The following B4GALT6 variants were observed in gnomAD, a reference collection of about 807,000 sequenced individuals.
B4GALT6 encodes the protein UDP-Gal:beta-GlcNAc beta-1,4-galactosyltransferase 6.
Under a neutral mutation model 46.3 loss-of-function variants are expected in B4GALT6, and 14 were observed. The observed-to-expected ratio is 0.30, with a 90% CI of 0.20 to 0.47. The LOEUF is 0.47. Among genes scored for constraint, B4GALT6 ranks in the 20% least tolerant of loss-of-function variants. The probability of loss-of-function intolerance (pLI) is 0.99; values close to 1 mark genes in which losing one functional copy is unlikely to be tolerated. For missense variants in B4GALT6, 386 were observed against 480.1 expected, an observed-to-expected ratio of 0.80 and a Z score of 1.83; for synonymous variants, 168 against 162.0, an observed-to-expected ratio of 1.04 and a Z score of -0.28.
At chr18:31,693,291 A>T in the B4GALT6 span, among the ~76,000 whole-genome samples, 2 of 152,290 alleles carry the variant, frequency 1.3e-5, no homozygotes, top group Admixed American at 1.3e-4. Context: ...TTGCTTGTGT[A>T]CACCAGTACA....
At chr18:31,627,846 G>A (rs1354014550) in intron 6 of B4GALT6, among the ~76,000 whole-genome samples, 1 of 152,110 alleles carries the variant, frequency 6.6e-6, no homozygotes, top group African/African-American at 2.4e-5. Flanking sequence ...TTGGCTTTCT[G>A]ACATTTAGGC....
the B4GALT6 span, among the ~76,000 whole-genome samples, chr18:31,709,818 T>A: frequency 6.6e-6 from 1 of 151,832 alleles, no homozygotes; most frequent in Non-Finnish European, 1.5e-5. Context: ...TGTGGCCAGG[T>A]GTGGTGGCTC....
At chr18:31,685,391 G>A (rs2074535272), upstream of B4GALT6, among the ~76,000 whole-genome samples, 1 of 151,648 alleles carries the variant, frequency 6.6e-6, no homozygotes, top group Non-Finnish European at 1.5e-5. Flanking sequence ...TGAAGGGGCG[G>A]GGGAGCCGCG....
chr18:31,667,635 C>G (rs1309886475), intron 1 of B4GALT6, among the ~76,000 whole-genome samples: 1 of 152,036 alleles, frequency 6.6e-6, no homozygotes, highest in Non-Finnish European at 1.5e-5. Flanking sequence ...TCTTTCACCT[C>G]CAGAAAAAAG....
upstream of B4GALT6, chr18:31,684,809 G>C (rs2074526372): frequency 9.8e-7 from 1 of 1,025,488 alleles, no homozygotes; most frequent in South Asian, 3.8e-5. Context: ...TGCGCGCCGC[G>C]GCGCCCCTGC....
intron 4 of B4GALT6, among the ~76,000 whole-genome samples, chr18:31,642,836 C>A (rs1018050198): frequency 3.9e-5 from 6 of 152,226 alleles, no homozygotes; most frequent in African/African-American, 1.4e-4. Flanking sequence ...AAGCCTGCAC[C>A]ACCACGCCCG....
chr18:31,661,123 G>A (rs1348211068), intron 2 of B4GALT6, among the ~76,000 whole-genome samples: 1 of 152,076 alleles, frequency 6.6e-6, no homozygotes. Context: ...TCTACAAAAC[G>A]AACAATCACA....
chr18:31,637,462 T>C (rs1027135122), intron 5 of B4GALT6, among the ~76,000 whole-genome samples: 3 of 151,874 alleles, frequency 2.0e-5, no homozygotes, highest in African/African-American at 4.8e-5. Flanking sequence ...GCTGGGTCTA[T>C]ATCCTACAAC....
intron 1 of B4GALT6, among the ~76,000 whole-genome samples, chr18:31,670,159 T>G (rs564869627): frequency 6.6e-6 from 1 of 151,848 alleles, no homozygotes; most frequent in Admixed American, 6.6e-5. Flanking sequence ...GCTCAAGCGA[T>G]CCTCCCACCT....
At chr18:31,666,400 T>C in intron 1 of B4GALT6, 28 bp from the exon 2 acceptor site, 1 of 1,144,012 alleles carries the variant, frequency 8.7e-7, no homozygotes. Flanking sequence ...AGAAAGAATG[T>C]CATAACACAG....
chr18:31,627,181 G>A, intron 6 of B4GALT6, 60 bp from the exon 7 acceptor site: 14 of 1,493,350 alleles, frequency 9.4e-6, no homozygotes, highest in Non-Finnish European at 1.0e-5. Context: ...CATGTGAAAT[G>A]AAGGTTTCAG....
chr18:31,642,938 G>A (rs1240654867), intron 4 of B4GALT6, among the ~76,000 whole-genome samples: 1 of 152,148 alleles, frequency 6.6e-6, no homozygotes, highest in Non-Finnish European at 1.5e-5. Flanking sequence ...TAATTAATTT[G>A]CCATCAACTA....
At chr18:31,704,395 T>C in the B4GALT6 span, among the ~76,000 whole-genome samples, 2 of 151,884 alleles carry the variant, frequency 1.3e-5, no homozygotes, top group African/African-American at 2.4e-5. Flanking sequence ...GTATTTTTAG[T>C]AGAGATGGGG....
chr18:31,678,352 A>G (rs2074439145), intron 1 of B4GALT6, among the ~76,000 whole-genome samples: 1 of 152,112 alleles, frequency 6.6e-6, no homozygotes, highest in Non-Finnish European at 1.5e-5. Flanking sequence ...TCTCTTTTCA[A>G]TAAGCCTCAA....
intron 8 of B4GALT6, 137 bp downstream of exon 8, chr18:31,626,146 C>T: frequency 1.9e-6 from 1 of 534,196 alleles, no homozygotes; most frequent in Non-Finnish European, 3.3e-6. Context: ...TAAAGATTCC[C>T]TTCAGCAAAA....
At chr18:31,648,851 T>A (rs1210452898) in intron 3 of B4GALT6, among the ~76,000 whole-genome samples, 1 of 152,234 alleles carries the variant, frequency 6.6e-6, no homozygotes, top group African/African-American at 2.4e-5. Context: ...TATAAATCAA[T>A]AGTTTTAAAT....
In B4GALT6 at chr18:31,624,625, T is replaced by TA. The variant is rs563518863; in HGVS notation, c.*988dup. 7.0e-4 allele frequency: 107 copies of TA among 152,146 alleles called. 1 individual carries two copies. The highest frequency in any genetic ancestry group is 2.4e-3 in the African/African-American group (101 of 41,560). 9.4% of individuals were successfully genotyped at this position (152,146 alleles called of 1,614,324 possible). On this transcript the variant is annotated 3_prime_UTR_variant, in exon 9 of 9. Transcript: ENST00000306851. ...GGTTTTCTTCCATAGATCATTCTTT[T>TA]AAAAAAACTGACTTGATTTCTTTTT...
upstream of B4GALT6, among the ~76,000 whole-genome samples, chr18:31,689,603 G>T (rs558018674): frequency 2.2e-4 from 33 of 152,250 alleles, no homozygotes; most frequent in Non-Finnish European, 3.8e-4. Context: ...AATTAGCTGG[G>T]CATGGTGGCG....
intron 3 of B4GALT6, among the ~76,000 whole-genome samples, chr18:31,654,160 A>G (rs2074110503): frequency 6.6e-6 from 1 of 152,252 alleles, no homozygotes; most frequent in East Asian, 1.9e-4. Flanking sequence ...GAATATATAA[A>G]GGTCACTGCA....
Sources: gnomAD v4.1 joint callset for allele counts (sites outside exome capture counted in the v4.1 genomes callset) on GRCh38, gnomAD v4.1.1 for gene constraint, MANE v1.5 for transcripts, NCBI Gene and HGNC (gene_info 2026-07-23, HGNC 2026-07-21) for gene names.